Variants in LIPC observed in about 807,000 individuals in gnomAD.
The protein encoded by LIPC is lipase C, hepatic type, also known as hepatic triacylglycerol lipase.
LIPC carries 44 observed loss-of-function variants against 50.7 expected under a neutral mutation model. The observed-to-expected ratio is 0.87, with a 90% CI of 0.68 to 1.11. LIPC has a LOEUF of 1.11. Among genes scored for constraint, LIPC ranks in the 50% most tolerant of loss-of-function variants. The probability of loss-of-function intolerance (pLI) is 0.00; values close to 1 mark genes in which losing one functional copy is unlikely to be tolerated. For synonymous variants in LIPC, 271 were observed against 256.4 expected (o/e 1.06, Z -0.54); for missense variants, 697 against 648.2 (o/e 1.08, Z -0.82).
intron 6 of LIPC, among the ~76,000 whole-genome samples, chr15:58,549,287 C>T (rs1373264036): frequency 1.3e-5 from 2 of 152,208 alleles, no homozygotes; most frequent in Non-Finnish European, 2.9e-5. Context: ...TAAAACAGCT[C>T]GGGAGTGCTT....
chr15:58,560,043 C>T (rs1894104033), intron 6 of LIPC, among the ~76,000 whole-genome samples: 1 of 152,182 alleles, frequency 6.6e-6, no homozygotes, highest in African/African-American at 2.4e-5. Context: ...TACATCATAG[C>T]GTTGTGATGA....
At chr15:58,541,105 C>T (rs1316530616) in intron 2 of LIPC, among the ~76,000 whole-genome samples, 1 of 152,100 alleles carries the variant, frequency 6.6e-6, no homozygotes, top group Non-Finnish European at 1.5e-5. Context: ...CCAGCCCCCA[C>T]CCATATTCGT....
chr15:58,465,017 T>C lies in LIPC; in HGVS notation c.88+32897T>C, dbSNP rs78584261. 4.4e-3 allele frequency among the ~76,000 whole-genome samples: 671 copies of C among 152,248 alleles called. 9 individuals are homozygous for C. The highest frequency in any genetic ancestry group is 0.015 in the African/African-American group (619 of 41,536). On this transcript the variant is annotated intron_variant, in intron 1 of 8. Transcript: ENST00000299022. Reference sequence around the variant, plus strand: ...GGAGCCCACCACACAACAAAACATATAGGGCTTCTCATCTAAAGTCCGAAT... The same window carrying C: ...GGAGCCCACCACACAACAAAACATACAGGGCTTCTCATCTAAAGTCCGAAT...
intron 1 of LIPC, among the ~76,000 whole-genome samples, chr15:58,442,922 G>A (rs1161819859): frequency 1.3e-5 from 2 of 152,152 alleles, no homozygotes; most frequent in Non-Finnish European, 2.9e-5. Context: ...TTGGGGGGTT[G>A]TTTTTGGTTT....
Position 58,560,589 on chromosome 15 carries a change from G to A in LIPC, c.1052-275G>A, listed in dbSNP as rs7180795. On this transcript the variant is annotated intron_variant, in intron 6 of 8. Coordinates refer to ENST00000299022, the MANE Select transcript of LIPC (RefSeq NM_000236.3). ...CTAGAACTCAGTGAGAATGCCAGAT[G>A]TCCTATACTCCTATTCTGCCATCTT... Among the ~76,000 whole-genome samples the A allele has an allele frequency of 0.95, 143,981 of 152,176 alleles. 68,349 individuals are homozygous for A. The highest frequency in any genetic ancestry group is 0.99 in the Middle Eastern group (290 of 294).
At chr15:58,502,509 C>CTTTTTTTT (rs11332551) in intron 1 of LIPC, among the ~76,000 whole-genome samples, 3 of 144,522 alleles carry the variant, frequency 2.1e-5, no homozygotes, top group South Asian at 2.2e-4. Flanking sequence ...GTAATTTTCT[C>CTTTTTTTT]TTTTTTTTTT....
intron 1 of LIPC, among the ~76,000 whole-genome samples, chr15:58,442,828 TC>T (rs151314767): frequency 0.16 from 24,003 of 152,118 alleles, 2,449 homozygotes; most frequent in East Asian, 0.28. Flanking sequence ...CCTGTGATTC[TC>T]ATTGATGCCT....
intron 1 of LIPC, chr15:58,494,660 T>A (rs1891705323): frequency 7.0e-6 from 3 of 427,936 alleles, no homozygotes; most frequent in Non-Finnish European, 1.4e-5. Flanking sequence ...TCAGTGCCAA[T>A]GTATATTTCA....
intron 1 of LIPC, among the ~76,000 whole-genome samples, chr15:58,484,185 G>C (rs1225784651): frequency 6.6e-5 from 10 of 152,204 alleles, no homozygotes; most frequent in African/African-American, 2.4e-4. Context: ...TAGCAAGGCT[G>C]TCCTTGGCAT....
At chr15:58,445,872 G>A (rs994484526) in intron 1 of LIPC, among the ~76,000 whole-genome samples, 15 of 152,178 alleles carry the variant, frequency 9.9e-5, no homozygotes, top group Admixed American at 3.9e-4. Context: ...CAAAACTAAC[G>A]TGTGTACGCA....
chr15:58,538,286 A>T (rs747978291), intron 1 of LIPC, 47 bp from the exon 2 acceptor site: 3 of 1,563,300 alleles, frequency 1.9e-6, no homozygotes, highest in African/African-American at 2.7e-5. Context: ...AGGGCTTCAG[A>T]TGAAGCAGAT....
At chr15:58,566,450 A>T in intron 8 of LIPC, 10 of 985,110 alleles carry the variant, frequency 1.0e-5, no homozygotes, top group Non-Finnish European at 1.2e-5. Flanking sequence ...CGAGAATCAT[A>T]ATATACATTT....
At chr15:58,566,962 C>T (rs551125707) in intron 8 of LIPC, among the ~76,000 whole-genome samples, 81 of 151,934 alleles carry the variant, frequency 5.3e-4, no homozygotes, top group Non-Finnish European at 1.0e-3. Flanking sequence ...CAACAACTAA[C>T]GTTTAGTGAG....
intron 1 of LIPC, among the ~76,000 whole-genome samples, chr15:58,528,214 C>T (rs770672297): frequency 2.6e-5 from 4 of 151,932 alleles, no homozygotes; most frequent in Non-Finnish European, 5.9e-5. Context: ...ATGCTGCAAG[C>T]GTTTATCTTT....
At position 58,568,727 on chromosome 15, in the gene LIPC, G is replaced by T. The variant is rs1203862640; in HGVS notation, c.1400G>T (p.Cys467Phe). Residue 467 changes from cysteine (C) to phenylalanine (F), a missense_variant, in exon 9 of 9, where the codon TGT becomes TTT. Cys to Phe is a radical substitution (Grantham distance 205, BLOSUM62 -2). Coordinates refer to ENST00000299022, the MANE Select transcript of LIPC (RefSeq NM_000236.3). ...AGETQQRMTF[C>F]SENTDDLLLR... ...TGTTTTCTATTCAGAATGACATTTT[G>T]TTCAGAAAACACAGATGACCTACTA... 6.9e-6 allele frequency: 11 copies of T among 1,596,684 alleles called. No individual in the cohort carries two copies. Among genetic ancestry groups the T allele is most frequent in the Admixed American group, 3.3e-5 (2 of 59,958 alleles).
At chr15:58,452,445 G>T (rs546008771) in intron 1 of LIPC, among the ~76,000 whole-genome samples, 1 of 152,176 alleles carries the variant, frequency 6.6e-6, no homozygotes, top group African/African-American at 2.4e-5. Context: ...GTGTGAACGT[G>T]AAACAGTTTT....
intron 3 of LIPC, 132 bp downstream of exon 3, chr15:58,542,099 A>G: frequency 9.1e-7 from 1 of 1,099,342 alleles, no homozygotes; most frequent in East Asian, 2.6e-5. Context: ...CAGGAATGAG[A>G]AGGCACAGGA....
intron 1 of LIPC, among the ~76,000 whole-genome samples, chr15:58,537,712 C>G (rs924723689): frequency 6.6e-6 from 1 of 152,170 alleles, no homozygotes; most frequent in Admixed American, 6.5e-5. Context: ...ACATCACATT[C>G]CCTGAAAAGC....
At chr15:58,461,840 G>A (rs552187345) in intron 1 of LIPC, among the ~76,000 whole-genome samples, 15 of 151,988 alleles carry the variant, frequency 9.9e-5, no homozygotes, top group Non-Finnish European at 1.3e-4. Flanking sequence ...GTCTCCCCCC[G>A]GTTCCGATTC....
Sources: allele counts gnomAD v4.1 joint callset (sites outside exome capture counted in the v4.1 genomes callset), GRCh38; gene constraint gnomAD v4.1.1; transcripts MANE v1.5; gene names NCBI Gene and HGNC (gene_info 2026-07-23, HGNC 2026-07-21).